The following LRRC8C variants were observed in gnomAD, a reference collection of about 807,000 sequenced individuals.
LRRC8C encodes leucine rich repeat containing 8 VRAC subunit C.
Under a neutral mutation model 55.3 loss-of-function variants are expected in LRRC8C, and 20 were observed. That is an observed-to-expected ratio of 0.36 (90% CI 0.25 to 0.53). LRRC8C has a LOEUF of 0.53. LRRC8C is among the 20% of genes least tolerant of loss of function. The probability of loss-of-function intolerance (pLI) is 0.92; values close to 1 mark genes in which losing one functional copy is unlikely to be tolerated. For missense variants in LRRC8C, 659 were observed against 951.4 expected (o/e 0.69, Z 4.04); for synonymous variants, 376 against 360.7 (o/e 1.04, Z -0.48).
At position 89,656,138 on chromosome 1, in the gene LRRC8C, T is replaced by C. The variant is rs907397284; in HGVS notation, c.-5+22816T>C. 3.3e-5 allele frequency among the ~76,000 whole-genome samples: 5 copies of C among 152,220 alleles called. 1 individual carries two copies. The highest frequency in any genetic ancestry group is 9.6e-5 in the African/African-American group (4 of 41,454). On this transcript the variant is annotated intron_variant, in intron 1 of 2. Transcript: ENST00000370454. Reference sequence around the variant, plus strand: ...ACATGAGGGCTCTTTCAGTGAACTTTCCTGAAGATTGTATAACTCACCTTC... The same window carrying C: ...ACATGAGGGCTCTTTCAGTGAACTTCCCTGAAGATTGTATAACTCACCTTC...
chr1:89,693,110 CAAA>C (rs979505990), intron 2 of LRRC8C, among the ~76,000 whole-genome samples: 3 of 152,154 alleles, frequency 2.0e-5, no homozygotes, highest in African/African-American at 7.2e-5. Flanking sequence ...ATTTCAATGA[CAAA>C]GCCACCTACA....
chr1:89,695,289 A>G (rs1344773132), intron 2 of LRRC8C, among the ~76,000 whole-genome samples: 4 of 152,210 alleles, frequency 2.6e-5, no homozygotes, highest in Non-Finnish European at 5.9e-5. Flanking sequence ...CAAAATGTTA[A>G]GTTTCCTAAG....
In LRRC8C at chr1:89,686,608, A is replaced by G; in HGVS notation, c.135A>G (p.Leu45=). The G allele has an allele frequency of 6.2e-7, 1 of 1,613,968 alleles. No individual in the cohort carries two copies. Among genetic ancestry groups the G allele is most frequent in the Non-Finnish European group, 8.5e-7 (1 of 1,179,994 alleles). The part of the protein sequence containing the change: ...MLMIGVFGCT[L]QVMQDKIICL... ...TGATCGGCGTGTTTGGATGTACTTTACAGGTAGGTGCCTAGATCCCTGGCA... is the reference window on the plus strand; with the variant it reads ...TGATCGGCGTGTTTGGATGTACTTTGCAGGTAGGTGCCTAGATCCCTGGCA... Residue 45 remains leucine (L), a synonymous_variant, in exon 2 of 3, where the codon TTA becomes TTG. Coordinates refer to ENST00000370454, the MANE Select transcript of LRRC8C (RefSeq NM_032270.5).
Position 89,717,408 on chromosome 1 carries a change from A to G in LRRC8C, c.*2426A>G, listed in dbSNP as rs1658858519. On this transcript the variant is annotated 3_prime_UTR_variant, in exon 3 of 3. Transcript: ENST00000370454. ...CCGAGGTCACTAATAATTCATTTTT[A>G]TCACTTGTAAAAATTTGCTCAAAAT... is the stretch of plus-strand genomic sequence containing the variant. 1 of 152,164 alleles carries G rather than the reference A, an allele frequency of 6.6e-6. No individual in the cohort carries two copies. The highest frequency in any genetic ancestry group is 1.5e-5 in the Non-Finnish European group (1 of 68,006). The allele number at this position is 152,164 out of a possible 1,614,324, so 9.4% of individuals were successfully genotyped here. A position where few individuals can be genotyped will look rare whatever the true frequency, so the allele number is the denominator to read the frequency against.
intron 1 of LRRC8C, among the ~76,000 whole-genome samples, chr1:89,642,967 G>C (rs566134359): frequency 1.3e-5 from 2 of 148,774 alleles, no homozygotes; most frequent in Non-Finnish European, 3.0e-5. Flanking sequence ...GCAGTGAGCC[G>C]AGATCACGCC....
chr1:89,713,841 A>G lies in LRRC8C; in HGVS notation c.1271A>G (p.Asn424Ser). ...LRQKLQTNAH[N>S]RLELPLIMLS... The stretch of plus-strand genomic sequence containing the variant: ...CAGAAGCTACAGACAAATGCCCATA[A>G]TCGACTGGAATTGCCTCTTATCATG... The change falls in exon 3 of 3, where the codon AAT (asparagine) becomes AGT (serine). Residue 424 changes from asparagine (N) to serine (S), a missense_variant. Physicochemically the swap from Asn to Ser is conservative, Grantham distance 46. Transcript: ENST00000370454. This position sits in a 1 kb window ranked among gnomAD's most constrained non-coding sequence, Gnocchi z 5.2. The G allele has an allele frequency of 1.2e-6, 2 of 1,614,176 alleles. No homozygotes were observed. The highest frequency in any genetic ancestry group is 1.7e-4 in the Middle Eastern group (1 of 6,060).
At chr1:89,626,535 AG>A in the LRRC8C span, 1 of 152,196 alleles carries the variant, frequency 6.6e-6, no homozygotes, top group African/African-American at 2.4e-5. Context: ...TACAAATCAA[AG>A]GTTCCCATAA....
At chr1:89,702,738 G>T (rs1658367177) in intron 2 of LRRC8C, among the ~76,000 whole-genome samples, 1 of 152,070 alleles carries the variant, frequency 6.6e-6, no homozygotes, top group Admixed American at 6.6e-5. Context: ...ACTCCAGCCT[G>T]GGCAACACAG....
At chr1:89,689,563 T>A (rs550144277) in intron 2 of LRRC8C, among the ~76,000 whole-genome samples, 1 of 152,006 alleles carries the variant, frequency 6.6e-6, no homozygotes, top group Non-Finnish European at 1.5e-5. Flanking sequence ...ATGGTTTGAG[T>A]AGGGTGAAAG....
intron 1 of LRRC8C, among the ~76,000 whole-genome samples, chr1:89,677,285 T>G (rs1657577956): frequency 6.6e-6 from 1 of 152,178 alleles, no homozygotes; most frequent in African/African-American, 2.4e-5. Flanking sequence ...CATGGAGATA[T>G]CCAAGGAAAA....
At chr1:89,712,517 G>A (rs1289947027) in intron 2 of LRRC8C, among the ~76,000 whole-genome samples, 192 bp from the exon 3 acceptor site, 3 of 152,132 alleles carry the variant, frequency 2.0e-5, no homozygotes, top group African/African-American at 4.8e-5. Context: ...TAGACATGAT[G>A]AACAAAGTCA....
At chr1:89,617,630 T>C in the LRRC8C span, among the ~76,000 whole-genome samples, 1 of 152,182 alleles carries the variant, frequency 6.6e-6, no homozygotes, top group Non-Finnish European at 1.5e-5. Flanking sequence ...AACTGAATTC[T>C]GACACTAACT....
Position 89,691,869 on chromosome 1 carries a change from G to A in LRRC8C, c.138+5258G>A, listed in dbSNP as rs541081620. On this transcript the variant is annotated intron_variant, in intron 2 of 2. Coordinates refer to ENST00000370454, the MANE Select transcript of LRRC8C (RefSeq NM_032270.5). The stretch of plus-strand genomic sequence containing the variant: ...TACAAAATGATAAAAAGAGAAAATC[G>A]TTACAAAAAGTATCAATTTTATGAA... 5.9e-5 allele frequency among the ~76,000 whole-genome samples: 9 copies of A among 152,154 alleles called. No individual in the cohort carries two copies. The South Asian group carries it at 1.2e-3, about 21-fold the overall frequency.
intron 1 of LRRC8C, among the ~76,000 whole-genome samples, chr1:89,665,398 T>G (rs1657232132): frequency 6.6e-6 from 1 of 152,222 alleles, no homozygotes; most frequent in Non-Finnish European, 1.5e-5. Context: ...CATGTGGTTT[T>G]TGTCATTGGT....
rs1658794921 is a variant in LRRC8C at position 89,715,562 on chromosome 1, C to T, written c.*580C>T. On this transcript the variant is annotated 3_prime_UTR_variant, in exon 3 of 3. Coordinates refer to ENST00000370454, the MANE Select transcript of LRRC8C (RefSeq NM_032270.5). ...TCATATACCTGACAGTTATTGTTATCCTTAGGCAAGGTTTTTGTGAGTGAA... is the reference window on the plus strand; with the variant it reads ...TCATATACCTGACAGTTATTGTTATTCTTAGGCAAGGTTTTTGTGAGTGAA... 1 of 152,108 alleles carries T rather than the reference C, an allele frequency of 6.6e-6. No homozygotes were observed. Among genetic ancestry groups the T allele is most frequent in the Non-Finnish European group, 1.5e-5 (1 of 68,026 alleles). 9.4% of individuals were successfully genotyped at this position (152,108 alleles called of 1,614,324 possible).
chr1:89,683,083 C>T (rs1390173103), intron 1 of LRRC8C, among the ~76,000 whole-genome samples: 1 of 152,158 alleles, frequency 6.6e-6, no homozygotes, highest in East Asian at 1.9e-4. Context: ...CTTGTGATCA[C>T]CACCATGAGC....
At chr1:89,673,569 T>A (rs771222886) in intron 1 of LRRC8C, among the ~76,000 whole-genome samples, 3 of 152,232 alleles carry the variant, frequency 2.0e-5, no homozygotes, top group Non-Finnish European at 4.4e-5. Context: ...TTTCTTCCTC[T>A]ACTTTTTTTT....
rs771955175 is a variant in LRRC8C at position 89,659,048 on chromosome 1, G to GT, written c.-5+25740dup. Among the ~76,000 whole-genome samples, 126 of 26,166 alleles carry GT rather than the reference G, an allele frequency of 4.8e-3. 14 individuals carry two copies. Among genetic ancestry groups the GT allele is most frequent in the African/African-American group, 8.9e-3 (84 of 9,468 alleles). 17.2% of individuals were successfully genotyped at this position (26,166 alleles called of 152,430 possible). ...AAATTTTAGGTTGTGTCTTCTCCAG[G>GT]TTTTTTTTTTTTTTGTGTGTGTGTG... On this transcript the variant is annotated intron_variant, in intron 1 of 2. Transcript: ENST00000370454.
At chr1:89,678,469 G>T (rs949046612) in intron 1 of LRRC8C, among the ~76,000 whole-genome samples, 2 of 152,208 alleles carry the variant, frequency 1.3e-5, no homozygotes, top group African/African-American at 4.8e-5. Context: ...GGGAGGCCAA[G>T]GCCGGTGGAT....
Sources: allele counts gnomAD v4.1 joint callset (sites outside exome capture counted in the v4.1 genomes callset), GRCh38; gene constraint gnomAD v4.1.1; non-coding constraint Gnocchi (gnomAD v3.1); transcripts MANE v1.5; gene names NCBI Gene and HGNC (gene_info 2026-07-23, HGNC 2026-07-21).